ST18: variants seen among roughly 807,000 people sequenced by gnomAD.
The protein encoded by ST18 is ST18 C2H2C-type zinc finger transcription factor, also known as suppression of tumorigenicity 18 protein.
A neutral mutation model predicts 110.0 loss-of-function variants in ST18; 50 were observed. The ratio of observed to expected loss-of-function variants is 0.45; its 90% CI spans 0.36 to 0.58. ST18 has a LOEUF of 0.58. Ranked by LOEUF, ST18 falls within the 20% of genes least tolerant of loss-of-function variation. ST18 has a pLI of 0.00. For missense variants in ST18, 1,306 were observed against 1,280.1 expected, an observed-to-expected ratio of 1.02 and a Z score of -0.31; for synonymous variants, 461 against 452.4, an observed-to-expected ratio of 1.02 and a Z score of -0.24.
intron 8 of ST18, chr8:52,199,709 T>C (rs1406779759): frequency 2.6e-5 from 4 of 152,216 alleles, no homozygotes; most frequent in Non-Finnish European, 5.9e-5. Context: ...GAGAGAACTA[T>C]GCTTCATATG....
At chr8:52,395,536 G>A (rs1457062789) in intron 2 of ST18, among the ~76,000 whole-genome samples, 1 of 152,186 alleles carries the variant, frequency 6.6e-6, no homozygotes, top group Non-Finnish European at 1.5e-5. Context: ...TTAGGTGCTA[G>A]AACCATGTCT....
chr8:52,385,514 C>T (rs1481959130), intron 2 of ST18, among the ~76,000 whole-genome samples: 1 of 151,288 alleles, frequency 6.6e-6, no homozygotes, highest in Non-Finnish European at 1.5e-5. Flanking sequence ...GCAGGAGAAT[C>T]GCTTGAACCC....
At chr8:52,166,229 T>A (rs1157713714) in intron 11 of ST18, among the ~76,000 whole-genome samples, 1 of 152,208 alleles carries the variant, frequency 6.6e-6, no homozygotes, top group Non-Finnish European at 1.5e-5. Context: ...TCTGGGGCCT[T>A]GCTAACTCTG....
At chr8:52,252,430 T>C (rs1369173211) in intron 2 of ST18, among the ~76,000 whole-genome samples, 1 of 151,880 alleles carries the variant, frequency 6.6e-6, no homozygotes, top group African/African-American at 2.4e-5. Flanking sequence ...TCACTTGCAG[T>C]TGTCTAATTT....
intron 8 of ST18, among the ~76,000 whole-genome samples, chr8:52,193,865 C>T (rs1485408866): frequency 2.0e-5 from 3 of 152,184 alleles, no homozygotes; most frequent in Non-Finnish European, 4.4e-5. Context: ...CTCATGTTTA[C>T]CGAGCTACAG....
intron 2 of ST18, among the ~76,000 whole-genome samples, chr8:52,342,136 C>T (rs1053012223): frequency 6.6e-6 from 1 of 152,112 alleles, no homozygotes; most frequent in African/African-American, 2.4e-5. Context: ...TGAGGTCATG[C>T]ATATGCTAAA....
intron 2 of ST18, among the ~76,000 whole-genome samples, chr8:52,388,913 T>C (rs1431382383): frequency 1.3e-5 from 2 of 148,976 alleles, no homozygotes; most frequent in African/African-American, 4.9e-5. Context: ...CATGTATACA[T>C]ATGTAACTAA....
chr8:52,165,212 A>G lies in ST18; in HGVS notation c.1218T>C (p.His406=). 6.2e-7 allele frequency: 1 copy of G among 1,614,216 alleles called. No homozygotes were observed. Among genetic ancestry groups the G allele is most frequent in the Non-Finnish European group, 8.5e-7 (1 of 1,180,044 alleles). Residue 406 remains histidine, a synonymous_variant, in exon 12 of 26, where the codon CAT becomes CAC. Transcript: ENST00000689386. ...VRVPLEILAM[H]ENVLKCPTPG... ...GCGTGGGACACTTGAGCACATTTTC[A>G]TGCATGGCAAGAACTAAGCACAAAA...
chr8:52,161,277 T>C (rs911117604), intron 14 of ST18, 98 bp downstream of exon 14: 1 of 1,214,290 alleles, frequency 8.2e-7, no homozygotes, highest in Non-Finnish European at 1.2e-6. Flanking sequence ...GTATGTAGTA[T>C]ATCATATATT....
intron 15 of ST18, among the ~76,000 whole-genome samples, chr8:52,154,174 T>A (rs1464311718): frequency 6.6e-6 from 1 of 152,228 alleles, no homozygotes; most frequent in Non-Finnish European, 1.5e-5. Context: ...TCAGAATGTG[T>A]GGCAAATCTG....
chr8:52,235,529 C>A (rs1288963263), intron 2 of ST18, among the ~76,000 whole-genome samples: 2 of 152,152 alleles, frequency 1.3e-5, no homozygotes, highest in East Asian at 3.8e-4. Context: ...ATGCCCCTGA[C>A]CCTGTGATTT....
intron 2 of ST18, among the ~76,000 whole-genome samples, chr8:52,289,350 C>G (rs971771944): frequency 6.6e-6 from 1 of 152,090 alleles, no homozygotes; most frequent in African/African-American, 2.4e-5. Flanking sequence ...GTCCCAGCTA[C>G]TTGGGACGCT....
intron 8 of ST18, among the ~76,000 whole-genome samples, chr8:52,200,054 T>C (rs917484201): frequency 6.6e-6 from 1 of 152,202 alleles, no homozygotes; most frequent in Non-Finnish European, 1.5e-5. Context: ...TCCAGTGCCT[T>C]CTATAGCACT....
At chr8:52,328,031 C>T (rs1807288610) in intron 2 of ST18, among the ~76,000 whole-genome samples, 1 of 152,162 alleles carries the variant, frequency 6.6e-6, no homozygotes, top group Non-Finnish European at 1.5e-5. Flanking sequence ...CTTTCAGGAA[C>T]ATGAGAATAA....
In ST18 at chr8:52,355,243, C is replaced by T. The variant is rs1354487537; in HGVS notation, c.-465+54085G>A. Among the ~76,000 whole-genome samples the T allele has an allele frequency of 3.3e-5, 5 of 152,288 alleles. No individual in the cohort carries two copies. The East Asian group carries it at 7.7e-4, about 24-fold the overall frequency. Reference sequence around the variant, plus strand: ...GTTCACAGTGCCAAAGGAATGTTCCCACCTGGAGCCAGTGCCCTTATCTAT... The same window carrying T: ...GTTCACAGTGCCAAAGGAATGTTCCTACCTGGAGCCAGTGCCCTTATCTAT... On this transcript the variant is annotated intron_variant, in intron 2 of 25. Coordinates refer to ENST00000689386, the MANE Select transcript of ST18 (RefSeq NM_001352837.2).
At chr8:52,238,184 A>G (rs771275814) in intron 2 of ST18, among the ~76,000 whole-genome samples, 10 of 152,226 alleles carry the variant, frequency 6.6e-5, no homozygotes, top group Non-Finnish European at 4.4e-5. Flanking sequence ...TAGAGTTTCT[A>G]TATAATCCAA....
intron 2 of ST18, among the ~76,000 whole-genome samples, chr8:52,320,534 T>A (rs1049264478): frequency 6.6e-6 from 1 of 152,200 alleles, no homozygotes; most frequent in African/African-American, 2.4e-5. Flanking sequence ...ACATACAACC[T>A]AATTTTGAAA....
chr8:52,236,611 C>CAAAAAA (rs754799390), intron 2 of ST18, among the ~76,000 whole-genome samples: 1 of 88,916 alleles, frequency 1.1e-5, no homozygotes, highest in African/African-American at 3.8e-5. Flanking sequence ...AATTCCACCT[C>CAAAAAA]AAAAAAAAAA....
chr8:52,274,728 A>G (rs1225596503), intron 2 of ST18, among the ~76,000 whole-genome samples: 3 of 152,226 alleles, frequency 2.0e-5, no homozygotes, highest in Admixed American at 1.3e-4. Context: ...TCAAGGAACC[A>G]TCACGTTAAT....
Sources: gnomAD v4.1 joint callset for allele counts (sites outside exome capture counted in the v4.1 genomes callset) on GRCh38, gnomAD v4.1.1 for gene constraint, MANE v1.5 for transcripts, NCBI Gene and HGNC (gene_info 2026-07-23, HGNC 2026-07-21) for gene names.